Variants in ADIPOR2 observed in about 807,000 individuals in gnomAD.
ADIPOR2 encodes the protein adiponectin receptor 2.
ADIPOR2 carries 18 observed loss-of-function variants against 40.9 expected under a neutral mutation model. The ratio of observed to expected loss-of-function variants is 0.44; its 90% CI spans 0.30 to 0.65. The LOEUF is 0.65. Ranked by LOEUF, ADIPOR2 falls within the 30% of genes least tolerant of loss-of-function variation. The pLI, the probability that ADIPOR2 is intolerant of heterozygous loss-of-function variation, is 0.09. For synonymous variants in ADIPOR2, 165 were observed against 166.4 expected (o/e 0.99, Z 0.06); for missense variants, 283 against 479.2 (o/e 0.59, Z 3.82).
chr12:1,775,858 CCTTTCT>C (rs1862581252), intron 3 of ADIPOR2, among the ~76,000 whole-genome samples: 1 of 7,490 alleles, frequency 1.3e-4, no homozygotes. Flanking sequence ...TCCCTGATCC[CCTTTCT>C]CTTTCTCTCC....
At chr12:1,700,064 A>G (rs2094647181) in intron 1 of ADIPOR2, among the ~76,000 whole-genome samples, 1 of 152,250 alleles carries the variant, frequency 6.6e-6, no homozygotes, top group African/African-American at 2.4e-5. Flanking sequence ...CTACAACAAA[A>G]TGATATTTTC....
chr12:1,703,955 C>T (rs1169101185), intron 1 of ADIPOR2, among the ~76,000 whole-genome samples: 1 of 150,472 alleles, frequency 6.6e-6, no homozygotes, highest in East Asian at 1.9e-4. Context: ...CTGACTGATC[C>T]TCCTGCCTCA....
intron 1 of ADIPOR2, among the ~76,000 whole-genome samples, chr12:1,705,340 T>A (rs973274310): frequency 6.6e-6 from 1 of 152,214 alleles, no homozygotes; most frequent in Non-Finnish European, 1.5e-5. Context: ...TATTTAGAAC[T>A]GTTGTTCCTT....
chr12:1,735,619 C>T (rs1278082329), intron 1 of ADIPOR2, among the ~76,000 whole-genome samples: 1 of 152,224 alleles, frequency 6.6e-6, no homozygotes, highest in Non-Finnish European at 1.5e-5. Context: ...CTGGCCAGAA[C>T]TTCCAACACT....
intron 2 of ADIPOR2, among the ~76,000 whole-genome samples, chr12:1,760,346 C>T (rs2154443761): frequency 1.3e-5 from 2 of 152,014 alleles, no homozygotes; most frequent in East Asian, 1.9e-4. Flanking sequence ...TTTTACATAC[C>T]ATAAAATTAA....
At chr12:1,695,879 C>T (rs1031993666) in intron 1 of ADIPOR2, 1 of 151,508 alleles carries the variant, frequency 6.6e-6, no homozygotes, top group Non-Finnish European at 1.5e-5. Flanking sequence ...AAGTGTATCT[C>T]ATAGTGGCAG....
chr12:1,730,189 C>T (rs2094716878), intron 1 of ADIPOR2, among the ~76,000 whole-genome samples: 1 of 150,292 alleles, frequency 6.7e-6, no homozygotes, highest in Non-Finnish European at 1.5e-5. Flanking sequence ...CTTAGGACCT[C>T]ACATAATTAT....
intron 1 of ADIPOR2, among the ~76,000 whole-genome samples, chr12:1,744,855 G>T (rs1407753853): frequency 6.6e-6 from 1 of 152,106 alleles, no homozygotes; most frequent in Non-Finnish European, 1.5e-5. Flanking sequence ...AAGCTCTATC[G>T]AGTTCAAGAA....
intron 1 of ADIPOR2, among the ~76,000 whole-genome samples, chr12:1,717,086 G>A (rs1370843857): frequency 6.6e-6 from 1 of 152,178 alleles, no homozygotes; most frequent in Non-Finnish European, 1.5e-5. Flanking sequence ...AATAAAATTA[G>A]TGTTAAGTTG....
intron 1 of ADIPOR2, among the ~76,000 whole-genome samples, chr12:1,742,106 CTT>C (rs1491094077): frequency 2.6e-5 from 4 of 151,996 alleles, no homozygotes; most frequent in Non-Finnish European, 4.4e-5. Flanking sequence ...TTCTCTCTCT[CTT>C]TTTTTAAGAT....
intron 1 of ADIPOR2, among the ~76,000 whole-genome samples, chr12:1,714,317 A>G (rs1488159037): frequency 6.6e-6 from 1 of 151,776 alleles, no homozygotes; most frequent in African/African-American, 2.4e-5. Flanking sequence ...CTCGATCCCT[A>G]CTGTAGAACA....
chr12:1,719,609 G>A (rs1294598226), intron 1 of ADIPOR2, among the ~76,000 whole-genome samples: 1 of 152,006 alleles, frequency 6.6e-6, no homozygotes, highest in East Asian at 1.9e-4. Flanking sequence ...TTTATTGCAT[G>A]TAGTAAACAC....
intron 1 of ADIPOR2, among the ~76,000 whole-genome samples, chr12:1,705,303 G>A (rs1470261355): frequency 6.6e-6 from 1 of 152,140 alleles, no homozygotes; most frequent in Non-Finnish European, 1.5e-5. Flanking sequence ...TATAATCCTA[G>A]ATTTTTCAGG....
intron 2 of ADIPOR2, among the ~76,000 whole-genome samples, chr12:1,771,663 A>G (rs1383501619): frequency 6.6e-6 from 1 of 152,212 alleles, no homozygotes; most frequent in African/African-American, 2.4e-5. Flanking sequence ...TATAAACTGA[A>G]GAATAGGAAA....
At chr12:1,751,531 GGGTCTTTGCTTTGTTACTCA>G (rs1267483113) in intron 1 of ADIPOR2, among the ~76,000 whole-genome samples, 2 of 151,980 alleles carry the variant, frequency 1.3e-5, no homozygotes, top group Non-Finnish European at 2.9e-5. Flanking sequence ...TTACGAGATG[GGGTCTTTGCTTTGTTACTCA>G]GGCTGGAGTG....
chr12:1,718,164 A>G (rs1202684429), intron 1 of ADIPOR2, among the ~76,000 whole-genome samples: 1 of 152,178 alleles, frequency 6.6e-6, no homozygotes, highest in Admixed American at 6.5e-5. Context: ...GCTTAAAAAA[A>G]TTATCCTTCG....
chr12:1,770,755 A>C (rs376752133), intron 2 of ADIPOR2, among the ~76,000 whole-genome samples: 2 of 151,712 alleles, frequency 1.3e-5, no homozygotes, highest in African/African-American at 4.8e-5. Context: ...AGTATTAGTC[A>C]GTAAAAGAGC....
At chr12:1,714,081 C>T (rs1378055123) in intron 1 of ADIPOR2, among the ~76,000 whole-genome samples, 1 of 152,056 alleles carries the variant, frequency 6.6e-6, no homozygotes, top group Non-Finnish European at 1.5e-5. Context: ...GTGCACCTTC[C>T]AGTGATTGCC....
chr12:1,698,943 T>C (rs892365559), intron 1 of ADIPOR2, among the ~76,000 whole-genome samples: 5 of 152,232 alleles, frequency 3.3e-5, no homozygotes. Flanking sequence ...GGAGATATGC[T>C]TTGTTTCAAT....
Sources: allele counts gnomAD v4.1 joint callset (sites outside exome capture counted in the v4.1 genomes callset), GRCh38; gene constraint gnomAD v4.1.1; transcripts MANE v1.5; gene names NCBI Gene and HGNC (gene_info 2026-07-23, HGNC 2026-07-21).